MND1: variants seen among roughly 807,000 people sequenced by gnomAD.
MND1 encodes meiotic nuclear division protein 1 homolog.
In MND1, 28 loss-of-function variants were observed where a neutral mutation model predicts 35.1. The ratio of observed to expected loss-of-function variants is 0.80; its 90% CI spans 0.59 to 1.09. The LOEUF is 1.09. Among genes scored for constraint, MND1 ranks in the 50% least tolerant of loss-of-function variants. The pLI is 0.00. For missense variants in MND1, 213 were observed against 239.6 expected (o/e 0.89, Z 0.73); for synonymous variants, 69 against 70.5 (o/e 0.98, Z 0.11).
At chr4:153,358,969 GCA>G (rs939427291) in intron 4 of MND1, among the ~76,000 whole-genome samples, 1 of 151,942 alleles carries the variant, frequency 6.6e-6, no homozygotes, top group African/African-American at 2.4e-5. Flanking sequence ...CCCTCACCAC[GCA>G]CACAATTTTC....
chr4:153,344,798 G>T, intron 1 of MND1, 58 bp downstream of exon 1: 2 of 1,583,164 alleles, frequency 1.3e-6, no homozygotes, highest in Non-Finnish European at 1.7e-6. Flanking sequence ...GGGCTTCGCC[G>T]CCCCTCGGCT....
intron 4 of MND1, among the ~76,000 whole-genome samples, chr4:153,360,599 TG>T (rs1422569629): frequency 6.8e-6 from 1 of 146,068 alleles, no homozygotes; most frequent in African/African-American, 2.5e-5. Context: ...TGTGTGTGTG[TG>T]TGTGTGTATA....
chr4:153,381,709 T>G (rs867299021), intron 4 of MND1: 1 of 79,058 alleles, frequency 1.3e-5, no homozygotes, highest in African/African-American at 6.1e-5. Flanking sequence ...TTTTTTTTTT[T>G]TTTTTTTTTT....
intron 4 of MND1, among the ~76,000 whole-genome samples, chr4:153,391,003 A>G (rs1444854308): frequency 6.6e-6 from 1 of 151,530 alleles, no homozygotes; most frequent in African/African-American, 2.4e-5. Flanking sequence ...GATAATGTCT[A>G]CCTGTCTGGT....
chr4:153,350,902 T>A (rs1176810218), intron 2 of MND1, among the ~76,000 whole-genome samples: 1 of 149,916 alleles, frequency 6.7e-6, no homozygotes, highest in African/African-American at 2.5e-5. Context: ...GTGGTAGAAT[T>A]GAATATTAAA....
intron 4 of MND1, among the ~76,000 whole-genome samples, chr4:153,372,778 A>G: frequency 6.6e-6 from 1 of 152,108 alleles, no homozygotes; most frequent in East Asian, 1.9e-4. Flanking sequence ...AGATTTACCC[A>G]TGTTGCTTTA....
chr4:153,368,780 C>T (rs1773720140), intron 4 of MND1, among the ~76,000 whole-genome samples: 1 of 151,904 alleles, frequency 6.6e-6, no homozygotes, highest in Non-Finnish European at 1.5e-5. Flanking sequence ...AATGTGTATT[C>T]TAAATGAATA....
At chr4:153,379,435 G>A (rs1728607096) in intron 4 of MND1, among the ~76,000 whole-genome samples, 1 of 152,032 alleles carries the variant, frequency 6.6e-6, no homozygotes, top group South Asian at 2.1e-4. Flanking sequence ...GCCAGGAACA[G>A]TGGCTCAATC....
intron 4 of MND1, among the ~76,000 whole-genome samples, chr4:153,368,699 T>A (rs1773717438): frequency 6.6e-6 from 1 of 152,238 alleles, no homozygotes; most frequent in Non-Finnish European, 1.5e-5. Context: ...CTTGGGTCTC[T>A]GGTGGCATCA....
At chr4:153,372,456 A>C (rs1195325034) in intron 4 of MND1, among the ~76,000 whole-genome samples, 13 of 152,230 alleles carry the variant, frequency 8.5e-5, no homozygotes, top group Admixed American at 7.9e-4. Context: ...AATAAATGAC[A>C]TACAAAAACC....
chr4:153,355,282 C>G (rs564341900), intron 2 of MND1, among the ~76,000 whole-genome samples: 120 of 152,150 alleles, frequency 7.9e-4, no homozygotes, highest in Non-Finnish European at 1.6e-3. Flanking sequence ...ATGCTTGATT[C>G]TATTATACTG....
chr4:153,353,810 C>T (rs941944252), intron 2 of MND1, among the ~76,000 whole-genome samples: 1 of 152,106 alleles, frequency 6.6e-6, no homozygotes, highest in South Asian at 2.1e-4. Flanking sequence ...GCCTCCACCT[C>T]CCAGGTTCAA....
At chr4:153,360,586 G>A (rs1006087005) in intron 4 of MND1, among the ~76,000 whole-genome samples, 5 of 67,250 alleles carry the variant, frequency 7.4e-5, no homozygotes, top group Non-Finnish European at 1.3e-4. Flanking sequence ...TTTTCTGTAT[G>A]TGTGTGTGTG....
chr4:153,389,771 T>A (rs1728969076), intron 4 of MND1, among the ~76,000 whole-genome samples: 1 of 152,256 alleles, frequency 6.6e-6, no homozygotes, highest in African/African-American at 2.4e-5. Context: ...GCTACAGTAT[T>A]TAGCAATAAT....
At chr4:153,361,027 C>G (rs1019961612) in intron 4 of MND1, among the ~76,000 whole-genome samples, 4 of 152,110 alleles carry the variant, frequency 2.6e-5, no homozygotes, top group African/African-American at 9.7e-5. Context: ...TTTGTAGAGA[C>G]AGGGTATTGC....
chr4:153,410,082 A>G (rs1387943940), intron 7 of MND1, among the ~76,000 whole-genome samples: 1 of 152,088 alleles, frequency 6.6e-6, no homozygotes, highest in Non-Finnish European at 1.5e-5. Flanking sequence ...CTCTCAGCCT[A>G]CTTCCTCATC....
chr4:153,390,631 G>A (rs986216408), intron 4 of MND1, among the ~76,000 whole-genome samples: 13 of 151,944 alleles, frequency 8.6e-5, no homozygotes, highest in Non-Finnish European at 4.4e-5. Flanking sequence ...CTAATTGCTC[G>A]AGCCCAGGAG....
intron 4 of MND1, among the ~76,000 whole-genome samples, chr4:153,391,455 G>A (rs1729031258): frequency 2.0e-5 from 3 of 152,216 alleles, no homozygotes; most frequent in South Asian, 4.1e-4. Context: ...GCCGGGTGTG[G>A]TGGCTTACGC....
At chr4:153,363,241 C>T (rs1417485058) in intron 4 of MND1, among the ~76,000 whole-genome samples, 13 of 146,406 alleles carry the variant, frequency 8.9e-5, no homozygotes, top group Admixed American at 6.2e-4. Flanking sequence ...GATGGAGTTT[C>T]GCTCTTGTCA....
Sources: allele counts gnomAD v4.1 joint callset (sites outside exome capture counted in the v4.1 genomes callset), GRCh38; gene constraint gnomAD v4.1.1; transcripts MANE v1.5; gene names NCBI Gene and HGNC (gene_info 2026-07-23, HGNC 2026-07-21).